BLM: variants seen among roughly 807,000 people sequenced by gnomAD.
BLM encodes BLM RecQ like helicase, also known as recQ-like DNA helicase BLM.
A neutral mutation model predicts 135.3 loss-of-function variants in BLM; 95 were observed. The observed-to-expected ratio is 0.70, with a 90% confidence interval of 0.59 to 0.83. The LOEUF (loss-of-function observed/expected upper bound fraction) is 0.83, where lower values mean the gene tolerates loss of function less well. BLM is among the 40% of genes least tolerant of loss of function. The pLI is 0.00. For synonymous variants in BLM, 520 were observed against 589.2 expected (o/e 0.88, Z 1.70); for missense variants, 1,518 against 1,663.9 (o/e 0.91, Z 1.53).
chr15:90,789,596 A>G (rs1896846159), intron 14 of BLM, among the ~76,000 whole-genome samples: 1 of 152,046 alleles, frequency 6.6e-6, no homozygotes, highest in Non-Finnish European at 1.5e-5. Flanking sequence ...ACTAACCGAG[A>G]GCGCAGGCCA....
intron 1 of BLM, among the ~76,000 whole-genome samples, chr15:90,723,380 A>G (rs879861269): frequency 1.4e-5 from 2 of 146,922 alleles, no homozygotes; most frequent in Non-Finnish European, 3.0e-5. Context: ...TTGGCTGGGC[A>G]TGGTAGCTCA....
At chr15:90,767,897 G>A (rs1896178173) in intron 10 of BLM, among the ~76,000 whole-genome samples, 2 of 151,266 alleles carry the variant, frequency 1.3e-5, no homozygotes, top group South Asian at 4.2e-4. Flanking sequence ...TTTTTTAAAT[G>A]TAGTTGGTGT....
intron 14 of BLM, among the ~76,000 whole-genome samples, chr15:90,785,518 C>A (rs1249788895): frequency 6.6e-6 from 1 of 151,068 alleles, no homozygotes; most frequent in African/African-American, 2.4e-5. Flanking sequence ...TAGAATCATA[C>A]AGTATGTGGT....
chr15:90,757,469 C>G (rs918930945), intron 5 of BLM, among the ~76,000 whole-genome samples: 8 of 152,206 alleles, frequency 5.3e-5, no homozygotes, highest in South Asian at 2.1e-4. Flanking sequence ...TGTGTATTCT[C>G]TTTCCAATCT....
chr15:90,796,574 G>C (rs1897032018), intron 16 of BLM, among the ~76,000 whole-genome samples: 2 of 152,336 alleles, frequency 1.3e-5, no homozygotes, highest in South Asian at 4.1e-4. Flanking sequence ...CAGGCATCCA[G>C]CTCCTGGGCC....
rs2229035 is a variant in BLM, at chr15:90,794,275, C to A, written c.3128C>A (p.Ala1043Asp). 6.6e-4 allele frequency: 1,068 copies of A among 1,606,918 alleles called. 9 individuals are homozygous for A. In the African/African-American group the frequency reaches 0.012, roughly 18 times the overall value. The change falls in exon 16 of 22, where the codon GCC (alanine) becomes GAC (aspartate). Residue 1043 changes from alanine (A) to aspartate (D), a missense_variant. Physicochemically the swap from Ala to Asp is moderately radical, Grantham distance 126 (BLOSUM62 -2). Around this residue, in one of 5 missense-constraint regions of BLM, gnomAD observed 626 missense variants for 681.1 expected, o/e 0.92. Coordinates refer to ENST00000355112, the MANE Select transcript of BLM (RefSeq NM_000057.4). ...GAATGCAGGAGAATACAGCTTTTGG[C>A]CTACTTTGGTGAAAATGGATTTAAT... ...ITECRRIQLLAYFGENGFNPD... is the reference protein window; with the variant it reads ...ITECRRIQLLDYFGENGFNPD...
At position 90,785,097 on chromosome 15, in the gene BLM, A is replaced by C. The variant is rs375317070; in HGVS notation, c.2823+16A>C. ...TGGCTGTCAGGTAACATTTTTAAAG[A>C]TAAACAAATAATAGAAATAATCTTT... On this transcript the variant is annotated intron_variant, in intron 14 of 21. Coordinates refer to ENST00000355112, the MANE Select transcript of BLM (RefSeq NM_000057.4). The C allele has an allele frequency of 3.1e-6, 5 of 1,610,086 alleles. No homozygotes were observed. In the African/African-American group the frequency reaches 6.7e-5, roughly 22 times the overall value.
intron 5 of BLM, among the ~76,000 whole-genome samples, chr15:90,759,343 C>T (rs951537112): frequency 4.4e-4 from 66 of 151,630 alleles, no homozygotes; most frequent in African/African-American, 1.6e-3. Context: ...GGGAGGATCA[C>T]TTGAGCCCAG....
intron 14 of BLM, among the ~76,000 whole-genome samples, chr15:90,787,983 C>T (rs1412977425): frequency 6.6e-6 from 1 of 151,330 alleles, no homozygotes; most frequent in Admixed American, 6.6e-5. Flanking sequence ...TTCAGCTTAT[C>T]CAAGTAAGAA....
At chr15:90,723,724 C>T (rs1894831649) in intron 1 of BLM, among the ~76,000 whole-genome samples, 1 of 152,120 alleles carries the variant, frequency 6.6e-6, no homozygotes, top group African/African-American at 2.4e-5. Flanking sequence ...ACCACACAGC[C>T]ACAATGTTGT....
chr15:90,777,029 G>A (rs1163777613), intron 12 of BLM, among the ~76,000 whole-genome samples: 2 of 152,214 alleles, frequency 1.3e-5, no homozygotes, highest in African/African-American at 4.8e-5. Context: ...TGGAGATGGG[G>A]TCTTACTCTC....
intron 10 of BLM, among the ~76,000 whole-genome samples, chr15:90,768,062 C>A (rs12439865): frequency 6.6e-6 from 1 of 151,700 alleles, no homozygotes; most frequent in Middle Eastern, 3.4e-3. Flanking sequence ...CCTGCCTCAG[C>A]CTCCCAAGTA....
At chr15:90,731,403 G>T (rs932309924) in intron 1 of BLM, among the ~76,000 whole-genome samples, 6 of 152,152 alleles carry the variant, frequency 3.9e-5, no homozygotes, top group African/African-American at 1.4e-4. Flanking sequence ...ATGAGCTGGG[G>T]AGTTGGTTCT....
chr15:90,748,028 G>A (rs1895553631), intron 2 of BLM, among the ~76,000 whole-genome samples: 3 of 150,852 alleles, frequency 2.0e-5, no homozygotes, highest in Non-Finnish European at 4.4e-5. Flanking sequence ...GGATGGTCTC[G>A]ATCTCCTGAC....
chr15:90,807,386 G>A (rs1290583320), intron 19 of BLM, among the ~76,000 whole-genome samples: 1 of 151,998 alleles, frequency 6.6e-6, no homozygotes, highest in Non-Finnish European at 1.5e-5. Context: ...ATAGTGCCTG[G>A]GTTTTTTTTG....
intron 13 of BLM, among the ~76,000 whole-genome samples, chr15:90,784,327 CTTTTTTTTTTTTTTT>C (rs769540432): frequency 2.9e-5 from 2 of 70,006 alleles, no homozygotes; most frequent in African/African-American, 1.4e-4. Flanking sequence ...AATGGCTTTT[CTTTTTTTTTTTTTTT>C]TTTTTTTTTG....
chr15:90,738,934 A>G (rs1002959105), intron 1 of BLM, among the ~76,000 whole-genome samples: 1 of 152,246 alleles, frequency 6.6e-6, no homozygotes, highest in Non-Finnish European at 1.5e-5. Context: ...TTCCTTAAAA[A>G]TTAAACATAA....
At chr15:90,789,044 TA>T in intron 14 of BLM, among the ~76,000 whole-genome samples, 1 of 20,392 alleles carries the variant, frequency 4.9e-5, no homozygotes, top group Non-Finnish European at 7.5e-5. Context: ...ACAATGGAGA[TA>T]TATATATATA....
intron 17 of BLM, among the ~76,000 whole-genome samples, chr15:90,802,119 T>C (rs771790862): frequency 3.9e-5 from 6 of 152,180 alleles, no homozygotes; most frequent in Admixed American, 1.3e-4. Context: ...GGTTGGTCCA[T>C]ACCATTCAGC....
Sources: gnomAD v4.1 joint callset for allele counts (sites outside exome capture counted in the v4.1 genomes callset) on GRCh38, gnomAD v4.1.1 for gene constraint, gnomAD v4.1.1 regional missense constraint, MANE v1.5 for transcripts, NCBI Gene and HGNC (gene_info 2026-07-23, HGNC 2026-07-21) for gene names.